SHC4: variants seen among roughly 807,000 people sequenced by gnomAD.
The protein encoded by SHC4 is SHC-transforming protein 4.
Under a neutral mutation model 69.4 loss-of-function variants are expected in SHC4, and 41 were observed. The ratio of observed to expected loss-of-function variants is 0.59; its 90% CI spans 0.46 to 0.77. SHC4 has a LOEUF of 0.77. Ranked by LOEUF, SHC4 falls within the 30% of genes least tolerant of loss-of-function variation. The probability of loss-of-function intolerance (pLI) is 0.00; values close to 1 mark genes in which losing one functional copy is unlikely to be tolerated. For synonymous variants in SHC4, 318 were observed against 299.3 expected, an observed-to-expected ratio of 1.06 and a Z score of -0.64; for missense variants, 777 against 783.8, an observed-to-expected ratio of 0.99 and a Z score of 0.10.
intron 1 of SHC4, among the ~76,000 whole-genome samples, chr15:48,926,109 C>T (rs1447640523): frequency 1.3e-5 from 2 of 152,126 alleles, no homozygotes; most frequent in African/African-American, 2.4e-5. Context: ...AACAGGCTGG[C>T]AGCTGAAAAT....
intron 3 of SHC4, among the ~76,000 whole-genome samples, chr15:48,887,308 T>C (rs1900052529): frequency 6.6e-6 from 1 of 152,204 alleles, no homozygotes; most frequent in African/African-American, 2.4e-5. Flanking sequence ...AGTGTGTAAA[T>C]GCTGGAGCCT....
chr15:48,843,598 TTAG>T lies in SHC4; in HGVS notation c.1304-13_1304-11del. The T allele has an allele frequency of 6.2e-7, 1 of 1,608,234 alleles. No homozygotes were observed. Among genetic ancestry groups the T allele is most frequent in the Admixed American group, 1.7e-5 (1 of 59,494 alleles). Reference sequence around the variant, plus strand: ...CTTGGATGGACATTACCTGTAGTGATTAGTAGTGATCAATACATTATGTTTTTT... The same window carrying T: ...CTTGGATGGACATTACCTGTAGTGATTAGTGATCAATACATTATGTTTTTT... On this transcript the variant is annotated splice_polypyrimidine_tract_variant and intron_variant, in intron 9 of 11. Coordinates refer to ENST00000332408, the MANE Select transcript of SHC4 (RefSeq NM_203349.4).
chr15:48,949,554 G>A (rs1014993291), intron 1 of SHC4, among the ~76,000 whole-genome samples: 12 of 151,960 alleles, frequency 7.9e-5, no homozygotes, highest in African/African-American at 2.9e-4. Context: ...AAGGCACTTT[G>A]TTTGGCAGCG....
At chr15:48,835,216 A>C (rs1284755128) in intron 10 of SHC4, among the ~76,000 whole-genome samples, 194 bp from the exon 11 acceptor site, 6 of 152,164 alleles carry the variant, frequency 3.9e-5, no homozygotes, top group African/African-American at 1.2e-4. Context: ...GTAGATCCAA[A>C]CATTGCCTTT....
At chr15:48,907,427 A>G (rs761164949) in intron 2 of SHC4, among the ~76,000 whole-genome samples, 2 of 150,946 alleles carry the variant, frequency 1.3e-5, no homozygotes, top group African/African-American at 2.4e-5. Context: ...TTTTTTTTCC[A>G]TAAGTTATTG....
In SHC4 at chr15:48,881,727, A is replaced by G. The variant is rs149940610; in HGVS notation, c.840+2521T>C. On this transcript the variant is annotated intron_variant, in intron 4 of 11. Transcript: ENST00000332408. ...ACTTTGCTTGAGGCCCTAAAATACT[A>G]TATTAAAGTATGTCAATAAAGTCTG... 1.9e-3 allele frequency among the ~76,000 whole-genome samples: 296 copies of G among 152,326 alleles called. 1 individual carries two copies. Among genetic ancestry groups the G allele is most frequent in the African/African-American group, 6.9e-3 (287 of 41,586 alleles).
chr15:48,863,817 A>T (rs4775778), intron 6 of SHC4, among the ~76,000 whole-genome samples: 24,896 of 152,030 alleles, frequency 0.16, 2,330 homozygotes, highest in East Asian at 0.29. Context: ...GTGCCTTGCC[A>T]TGTTCTTTTG....
At chr15:48,934,351 A>G (rs1050420195) in intron 1 of SHC4, among the ~76,000 whole-genome samples, 1 of 152,190 alleles carries the variant, frequency 6.6e-6, no homozygotes, top group African/African-American at 2.4e-5. Flanking sequence ...AATATAATTT[A>G]CCATTGGGAA....
intron 4 of SHC4, chr15:48,878,109 A>G: frequency 6.6e-7 from 1 of 1,504,124 alleles, no homozygotes; most frequent in Non-Finnish European, 8.9e-7. Context: ...GCGCACGCGC[A>G]CGAACGCACG....
At chr15:48,915,560 A>T (rs1352684045) in intron 2 of SHC4, among the ~76,000 whole-genome samples, 1 of 152,068 alleles carries the variant, frequency 6.6e-6, no homozygotes, top group Non-Finnish European at 1.5e-5. Context: ...TGTGAAAGGA[A>T]ATCATCCTTC....
intron 2 of SHC4, among the ~76,000 whole-genome samples, chr15:48,923,585 A>G (rs1364029770): frequency 6.7e-6 from 1 of 148,926 alleles, no homozygotes; most frequent in African/African-American, 2.5e-5. Context: ...GAAAAAGAAA[A>G]TTTTGAGGGG....
chr15:48,885,844 A>G (rs1441938070), intron 3 of SHC4, among the ~76,000 whole-genome samples: 1 of 152,226 alleles, frequency 6.6e-6, no homozygotes, highest in Non-Finnish European at 1.5e-5. Flanking sequence ...TTTGCTTCTT[A>G]CACAGCTCTG....
At chr15:48,915,810 A>C (rs1367278081) in intron 2 of SHC4, among the ~76,000 whole-genome samples, 1 of 152,206 alleles carries the variant, frequency 6.6e-6, no homozygotes, top group African/African-American at 2.4e-5. Flanking sequence ...ACTATAAATT[A>C]GAACTTTAAA....
intron 4 of SHC4, chr15:48,878,289 G>A: frequency 1.9e-6 from 3 of 1,613,714 alleles, no homozygotes; most frequent in Non-Finnish European, 2.5e-6. Context: ...AGCGGGAGCC[G>A]GGAGCTATCC....
rs28377065 is a variant in SHC4, at chr15:48,850,127, C to T, written c.1303+1061G>A. On this transcript the variant is annotated intron_variant, in intron 9 of 11. Coordinates refer to ENST00000332408, the MANE Select transcript of SHC4 (RefSeq NM_203349.4). The stretch of plus-strand genomic sequence containing the variant: ...CTGAGGCAGGAGAATCGCTTGAACC[C>T]GGAAGGCTGAGGTTGCAGTGAGCCG... Among the ~76,000 whole-genome samples, 224 of 152,234 alleles carry T rather than the reference C, an allele frequency of 1.5e-3. 2 individuals are homozygous for T. Among genetic ancestry groups the T allele is most frequent in the African/African-American group, 4.2e-3 (176 of 41,554 alleles).
chr15:48,921,331 G>GT (rs35765153), intron 2 of SHC4, among the ~76,000 whole-genome samples: 35,303 of 140,148 alleles, frequency 0.25, 4,401 homozygotes, highest in Non-Finnish European at 0.28. Flanking sequence ...GGAAGTTATC[G>GT]TTTTTTTTTT....
chr15:48,848,009 AAAAAAAAAC>A (rs1487673788), intron 9 of SHC4, among the ~76,000 whole-genome samples: 8 of 151,514 alleles, frequency 5.3e-5, no homozygotes, highest in African/African-American at 1.7e-4. Context: ...TCTAAAAAAA[AAAAAAAAAC>A]AAAAAAAACA....
chr15:48,828,115 G>GTA (rs57462591), intron 11 of SHC4, among the ~76,000 whole-genome samples: 145 of 75,252 alleles, frequency 1.9e-3, no homozygotes, highest in Non-Finnish European at 2.6e-3. Context: ...GTGTGTGTGT[G>GTA]TATATATATA....
intron 11 of SHC4, among the ~76,000 whole-genome samples, chr15:48,833,083 T>C (rs1367471915): frequency 6.6e-6 from 1 of 152,188 alleles, no homozygotes; most frequent in Non-Finnish European, 1.5e-5. Context: ...CATGTTTCCC[T>C]GATTCTTTTT....
Sources: allele counts gnomAD v4.1 joint callset (sites outside exome capture counted in the v4.1 genomes callset), GRCh38; gene constraint gnomAD v4.1.1; transcripts MANE v1.5; gene names NCBI Gene and HGNC (gene_info 2026-07-23, HGNC 2026-07-21).